Variants in CADM2 observed in about 807,000 individuals in gnomAD.
CADM2 encodes the protein cell adhesion molecule 2.
CADM2 carries 12 observed loss-of-function variants against 49.8 expected under a neutral mutation model. That is an observed-to-expected ratio of 0.24 (90% CI 0.15 to 0.39). The LOEUF (loss-of-function observed/expected upper bound fraction) is 0.39. CADM2 is among the 10% of genes least tolerant of loss of function. The pLI, the probability that CADM2 is intolerant of heterozygous loss-of-function variation, is 1.00. For missense variants in CADM2, 378 were observed against 492.3 expected (o/e 0.77, Z 2.20); for synonymous variants, 214 against 175.4 (o/e 1.22, Z -1.74).
intron 1 of CADM2, among the ~76,000 whole-genome samples, chr3:85,405,256 G>T (rs1486336875): frequency 6.6e-6 from 1 of 152,118 alleles, no homozygotes; most frequent in Non-Finnish European, 1.5e-5. Flanking sequence ...GAACAGTTTT[G>T]ATGGCCTGAC....
intron 1 of CADM2, among the ~76,000 whole-genome samples, chr3:85,160,618 A>AT (rs1304431413): frequency 6.6e-6 from 1 of 152,062 alleles, no homozygotes; most frequent in Admixed American, 6.6e-5. Flanking sequence ...TAATTAGGCT[A>AT]TTTTCTTCTG....
At chr3:85,069,760 G>A (rs2036654172) in intron 1 of CADM2, among the ~76,000 whole-genome samples, 1 of 152,062 alleles carries the variant, frequency 6.6e-6, no homozygotes, top group Non-Finnish European at 1.5e-5. Flanking sequence ...TAACATGAAT[G>A]TGTGACCTAC....
At chr3:85,412,867 C>A (rs1204260242) in intron 1 of CADM2, among the ~76,000 whole-genome samples, 1 of 151,772 alleles carries the variant, frequency 6.6e-6, no homozygotes. Flanking sequence ...TATTAAAATG[C>A]TGATTTTAAA....
At chr3:85,757,259 G>C (rs1286554486) in intron 2 of CADM2, among the ~76,000 whole-genome samples, 1 of 152,084 alleles carries the variant, frequency 6.6e-6, no homozygotes, top group Non-Finnish European at 1.5e-5. Flanking sequence ...AGTTTGGCTT[G>C]AAGACGCGTA....
At chr3:85,332,111 A>G (rs1385194308) in intron 1 of CADM2, among the ~76,000 whole-genome samples, 1 of 152,106 alleles carries the variant, frequency 6.6e-6, no homozygotes, top group Non-Finnish European at 1.5e-5. Flanking sequence ...ATAAACCTAT[A>G]GCTAATTTCT....
chr3:85,591,152 T>C (rs1276176680), intron 1 of CADM2, among the ~76,000 whole-genome samples: 1 of 152,014 alleles, frequency 6.6e-6, no homozygotes, highest in Non-Finnish European at 1.5e-5. Context: ...GTTTTAGTCC[T>C]TTTAAGCCTG....
At chr3:85,515,698 C>T (rs1276244486) in intron 1 of CADM2, among the ~76,000 whole-genome samples, 1 of 149,366 alleles carries the variant, frequency 6.7e-6, no homozygotes, top group East Asian at 2.0e-4. Context: ...TCTCAGACCT[C>T]GAACTCCTGA....
intron 1 of CADM2, among the ~76,000 whole-genome samples, chr3:85,222,927 A>G (rs745972961): frequency 1.3e-5 from 2 of 152,088 alleles, no homozygotes; most frequent in Non-Finnish European, 2.9e-5. Context: ...AAAGCCCTCC[A>G]TTTCATAGAA....
chr3:85,976,218 T>C (rs746173887), intron 8 of CADM2, among the ~76,000 whole-genome samples: 2 of 151,562 alleles, frequency 1.3e-5, no homozygotes, highest in Non-Finnish European at 3.0e-5. Context: ...CCCTGTACCA[T>C]ATTTGATGGA....
At chr3:85,923,375 C>G (rs1719393169) in intron 6 of CADM2, among the ~76,000 whole-genome samples, 1 of 151,926 alleles carries the variant, frequency 6.6e-6, no homozygotes, top group Non-Finnish European at 1.5e-5. Context: ...AAAGTGAAAA[C>G]TTGTTTTACT....
intron 1 of CADM2, among the ~76,000 whole-genome samples, chr3:85,345,845 G>T (rs531020379): frequency 1.1e-3 from 167 of 152,154 alleles, no homozygotes; most frequent in South Asian, 6.2e-4. Flanking sequence ...TCATTTTTTT[G>T]TGTGTGAAAA....
At chr3:85,677,903 C>T (rs1440061821) in intron 1 of CADM2, among the ~76,000 whole-genome samples, 1 of 152,152 alleles carries the variant, frequency 6.6e-6, no homozygotes, top group African/African-American at 2.4e-5. Context: ...TGCTACTGGA[C>T]CTCTGGATTC....
intron 2 of CADM2, among the ~76,000 whole-genome samples, chr3:85,733,608 T>C (rs978958586): frequency 6.6e-6 from 1 of 152,150 alleles, no homozygotes; most frequent in African/African-American, 2.4e-5. Context: ...TCTTTGTTTC[T>C]TGAAATGCAA....
At chr3:85,470,598 T>C (rs367922153) in intron 1 of CADM2, among the ~76,000 whole-genome samples, 1 of 152,132 alleles carries the variant, frequency 6.6e-6, no homozygotes, top group East Asian at 1.9e-4. Context: ...ATTTTTTGGA[T>C]AGATAAAATA....
At chr3:85,539,330 A>C (rs1345321192) in intron 1 of CADM2, among the ~76,000 whole-genome samples, 1 of 152,084 alleles carries the variant, frequency 6.6e-6, no homozygotes, top group Non-Finnish European at 1.5e-5. Context: ...GATGATACTA[A>C]ATTTAAAAAA....
intron 1 of CADM2, among the ~76,000 whole-genome samples, chr3:85,205,370 A>G (rs1027030727): frequency 2.6e-5 from 4 of 152,146 alleles, no homozygotes; most frequent in Non-Finnish European, 5.9e-5. Flanking sequence ...TAAATTACAG[A>G]TATCTTTATA....
intron 3 of CADM2, among the ~76,000 whole-genome samples, chr3:85,834,814 C>A (rs953996064): frequency 6.6e-6 from 1 of 151,112 alleles, no homozygotes; most frequent in South Asian, 2.1e-4. Flanking sequence ...TTATATATCA[C>A]AAATGGGGTT....
At chr3:85,015,892 C>T (rs1324977758) in intron 1 of CADM2, among the ~76,000 whole-genome samples, 2 of 152,040 alleles carry the variant, frequency 1.3e-5, no homozygotes, top group Non-Finnish European at 2.9e-5. Flanking sequence ...AGGGAATTCA[C>T]AAAATTGTCA....
chr3:86,037,330 A>T (rs1735289985), intron 8 of CADM2, among the ~76,000 whole-genome samples: 2 of 152,190 alleles, frequency 1.3e-5, no homozygotes, highest in South Asian at 4.1e-4. Flanking sequence ...AATACTTATT[A>T]CAGCCTCCAT....
Sources: allele counts gnomAD v4.1 joint callset (sites outside exome capture counted in the v4.1 genomes callset), GRCh38; gene constraint gnomAD v4.1.1; transcripts MANE v1.5; gene names NCBI Gene and HGNC (gene_info 2026-07-23, HGNC 2026-07-21).